DPP10: variants seen among roughly 807,000 people sequenced by gnomAD.
DPP10 encodes the protein dipeptidyl peptidase like 10, also known as inactive dipeptidyl peptidase 10.
DPP10 carries 33 observed loss-of-function variants against 120.9 expected under a neutral mutation model. The ratio of observed to expected loss-of-function variants is 0.27; its 90% confidence interval spans 0.21 to 0.37. The LOEUF is 0.37. Among genes scored for constraint, DPP10 ranks in the 10% least tolerant of loss-of-function variants. DPP10 has a pLI of 1.00. For synonymous variants in DPP10, 337 were observed against 326.1 expected (o/e 1.03, Z -0.36); for missense variants, 816 against 942.8 (o/e 0.87, Z 1.76).
intron 1 of DPP10, among the ~76,000 whole-genome samples, chr2:114,520,126 C>T (rs1200397979): frequency 6.6e-6 from 1 of 152,200 alleles, no homozygotes; most frequent in Non-Finnish European, 1.5e-5. Context: ...GATAATCATC[C>T]CCTAATAATA....
intron 1 of DPP10, among the ~76,000 whole-genome samples, chr2:115,163,243 TGGTGGC>T (rs891790870): frequency 3.3e-5 from 5 of 151,702 alleles, no homozygotes; most frequent in African/African-American, 4.8e-5. Flanking sequence ...CGCCCAGGAG[TGGTGGC>T]GAGACACAGG....
At chr2:114,572,966 T>G (rs567803157) in intron 1 of DPP10, among the ~76,000 whole-genome samples, 8 of 152,326 alleles carry the variant, frequency 5.3e-5, no homozygotes, top group African/African-American at 1.9e-4. Flanking sequence ...TGTATTTTAC[T>G]TTTTCATTTA....
intron 5 of DPP10, among the ~76,000 whole-genome samples, chr2:115,583,676 A>G (rs1001133805): frequency 2.0e-5 from 3 of 152,208 alleles, no homozygotes. Flanking sequence ...ACTATATTCT[A>G]CTGATCAAAT....
At chr2:115,254,046 T>C (rs907180064) in intron 1 of DPP10, among the ~76,000 whole-genome samples, 1 of 151,834 alleles carries the variant, frequency 6.6e-6, no homozygotes. Context: ...TTAACTCTTG[T>C]ACTCTGCATG....
chr2:115,738,089 C>T (rs1332561290), intron 8 of DPP10, among the ~76,000 whole-genome samples: 1 of 152,148 alleles, frequency 6.6e-6, no homozygotes, highest in African/African-American at 2.4e-5. Flanking sequence ...ATACTGTATG[C>T]TTTTGTCCAA....
At chr2:115,395,512 A>G (rs1225428791) in intron 3 of DPP10, among the ~76,000 whole-genome samples, 2 of 152,268 alleles carry the variant, frequency 1.3e-5, no homozygotes, top group Non-Finnish European at 2.9e-5. Context: ...TACCAACTCA[A>G]AAACATCGCT....
At chr2:115,488,742 A>T (rs1255234454) in intron 3 of DPP10, among the ~76,000 whole-genome samples, 1 of 118,744 alleles carries the variant, frequency 8.4e-6, no homozygotes, top group Non-Finnish European at 1.7e-5. Context: ...GGGTCGGGGG[A>T]GGGGGGAGGG....
intron 1 of DPP10, among the ~76,000 whole-genome samples, chr2:115,133,139 G>A (rs1314261516): frequency 2.1e-4 from 14 of 67,282 alleles, no homozygotes; most frequent in African/African-American, 6.2e-4. Flanking sequence ...GTGTGTGTGT[G>A]TGTGTGTATA....
At chr2:115,459,746 G>T (rs972527832) in intron 3 of DPP10, among the ~76,000 whole-genome samples, 3 of 151,674 alleles carry the variant, frequency 2.0e-5, no homozygotes, top group South Asian at 2.1e-4. Context: ...TTCAAATTGT[G>T]TGTGTATATT....
chr2:114,959,618 AC>A (rs1193888938), intron 1 of DPP10, among the ~76,000 whole-genome samples: 3 of 152,006 alleles, frequency 2.0e-5, no homozygotes, highest in Non-Finnish European at 4.4e-5. Context: ...TTTAAGAGTG[AC>A]TCTATTGTTT....
intron 5 of DPP10, among the ~76,000 whole-genome samples, chr2:115,556,921 G>A (rs1189468492): frequency 6.6e-6 from 1 of 152,092 alleles, no homozygotes; most frequent in Non-Finnish European, 1.5e-5. Flanking sequence ...GCCAAATTAG[G>A]TGAGGATAAT....
intron 1 of DPP10, among the ~76,000 whole-genome samples, chr2:114,969,442 T>C (rs1699249438): frequency 6.6e-6 from 1 of 152,240 alleles, no homozygotes; most frequent in East Asian, 1.9e-4. Context: ...TCAGGAAATA[T>C]ATATATGTGT....
At chr2:115,401,678 G>A (rs1356547558) in intron 3 of DPP10, among the ~76,000 whole-genome samples, 1 of 152,140 alleles carries the variant, frequency 6.6e-6, no homozygotes. Context: ...ATTAAGTAGA[G>A]TATCAGTGGC....
At chr2:115,485,238 CAAAAAAAA>C (rs70941066) in intron 3 of DPP10, among the ~76,000 whole-genome samples, 3 of 123,250 alleles carry the variant, frequency 2.4e-5, no homozygotes, top group Non-Finnish European at 5.2e-5. Context: ...AACACTGTTC[CAAAAAAAA>C]AAAAAAAAAA....
At chr2:114,602,269 A>G (rs186428238) in intron 1 of DPP10, among the ~76,000 whole-genome samples, 1 of 152,052 alleles carries the variant, frequency 6.6e-6, no homozygotes, top group East Asian at 1.9e-4. Flanking sequence ...CTAGGAAGTT[A>G]GAGGTAGAGA....
intron 1 of DPP10, among the ~76,000 whole-genome samples, chr2:114,448,883 G>C (rs770218657): frequency 6.6e-6 from 1 of 152,114 alleles, no homozygotes; most frequent in African/African-American, 2.4e-5. Context: ...GGTTATTAAT[G>C]ACTGTTAAGG....
At chr2:115,234,704 G>A (rs1225768443) in intron 1 of DPP10, 1 of 152,030 alleles carries the variant, frequency 6.6e-6, no homozygotes, top group Admixed American at 6.6e-5. Context: ...GAACATACAT[G>A]CTTGTTGTTT....
chr2:115,555,994 G>A (rs942198436), intron 5 of DPP10, among the ~76,000 whole-genome samples: 4 of 152,088 alleles, frequency 2.6e-5, no homozygotes, highest in Non-Finnish European at 4.4e-5. Flanking sequence ...TCAAGTCATT[G>A]TGATTAGCAT....
chr2:114,524,752 C>G (rs1023153329), intron 1 of DPP10, among the ~76,000 whole-genome samples: 1 of 152,204 alleles, frequency 6.6e-6, no homozygotes, highest in South Asian at 2.1e-4. Flanking sequence ...ATTCATGGTG[C>G]CTTTATGAAA....
Sources: allele counts gnomAD v4.1 joint callset (sites outside exome capture counted in the v4.1 genomes callset), GRCh38; gene constraint gnomAD v4.1.1; transcripts MANE v1.5; gene names NCBI Gene and HGNC (gene_info 2026-07-23, HGNC 2026-07-21).